The following ARHGAP10 variants were observed in gnomAD, a reference collection of about 807,000 sequenced individuals.
ARHGAP10 encodes rho GTPase-activating protein 10.
A neutral mutation model predicts 108.6 loss-of-function variants in ARHGAP10; 87 were observed. The observed-to-expected ratio is 0.80, with a 90% CI of 0.67 to 0.96. The LOEUF is 0.96. Among genes scored for constraint, ARHGAP10 ranks in the 40% least tolerant of loss-of-function variants. ARHGAP10 has a pLI of 0.00. For missense variants in ARHGAP10, 939 were observed against 954.5 expected (o/e 0.98, Z 0.21); for synonymous variants, 347 against 341.1 (o/e 1.02, Z -0.19).
intron 10 of ARHGAP10, among the ~76,000 whole-genome samples, chr4:147,901,271 A>G (rs897551259): frequency 4.6e-5 from 7 of 152,244 alleles, no homozygotes; most frequent in African/African-American, 1.4e-4. Context: ...CTTTAGAGGC[A>G]GGGAATCAGT....
In ARHGAP10 at chr4:147,866,831, G is replaced by A. The variant is rs1358360593; in HGVS notation, c.702+15G>A. The A allele has an allele frequency of 2.6e-6, 4 of 1,549,286 alleles. No individual in the cohort carries two copies. In the African/African-American group the frequency reaches 4.1e-5, roughly 16 times the overall value. ...ACATTCAGAATGTAAGGAAGTGAAA[G>A]CTTTCTTTATAAAAAGATGTTTGAA... is the stretch of plus-strand genomic sequence containing the variant. On this transcript the variant is annotated intron_variant, in intron 7 of 22. Transcript: ENST00000336498.
chr4:148,072,457 C>T lies in ARHGAP10; in HGVS notation c.*376C>T, dbSNP rs1276653064. Reference sequence around the variant, plus strand: ...CCTGGCTCCCTCTCCTCCCTGAGCACCTGCTGCTGCGATTTTAAAGGGAAC... The same window carrying T: ...CCTGGCTCCCTCTCCTCCCTGAGCATCTGCTGCTGCGATTTTAAAGGGAAC... On this transcript the variant is annotated 3_prime_UTR_variant, in exon 23 of 23. Coordinates refer to ENST00000336498, the MANE Select transcript of ARHGAP10 (RefSeq NM_024605.4). 4 of 219,450 alleles carry T rather than the reference C, an allele frequency of 1.8e-5. No individual in the cohort carries two copies. The highest frequency in any genetic ancestry group is 3.6e-5 in the Non-Finnish European group (4 of 112,472). 13.6% of individuals were successfully genotyped at this position (219,450 alleles called of 1,614,324 possible).
intron 15 of ARHGAP10, among the ~76,000 whole-genome samples, chr4:147,955,102 T>C (rs1007656871): frequency 2.6e-5 from 4 of 152,118 alleles, no homozygotes; most frequent in African/African-American, 9.6e-5. Context: ...TAGTAGGGAT[T>C]TGTGGCTCCC....
intron 1 of ARHGAP10, among the ~76,000 whole-genome samples, chr4:147,776,994 G>T (rs1212687928): frequency 6.6e-6 from 1 of 152,120 alleles, no homozygotes; most frequent in East Asian, 1.9e-4. Context: ...GAGATAAGTG[G>T]CTATATTCAT....
intron 1 of ARHGAP10, among the ~76,000 whole-genome samples, chr4:147,758,795 A>G (rs1031869816): frequency 1.3e-5 from 2 of 151,972 alleles, no homozygotes; most frequent in African/African-American, 4.8e-5. Context: ...CGTGGCCAGC[A>G]TGGTGAAACC....
In ARHGAP10 at chr4:147,809,933, C is replaced by G. The variant is rs74409420; in HGVS notation, c.155-12794C>G. Among the ~76,000 whole-genome samples, 1,072 of 152,242 alleles carry G rather than the reference C, an allele frequency of 7.0e-3. 10 individuals carry two copies. Among genetic ancestry groups the G allele is most frequent in the African/African-American group, 0.025 (1,022 of 41,532 alleles). ...AGGATAACGCTTTTCCAAAAGATAC[C>G]TAACTTTACTTTGTTTTTAATATAT... On this transcript the variant is annotated intron_variant, in intron 1 of 22. Coordinates refer to ENST00000336498, the MANE Select transcript of ARHGAP10 (RefSeq NM_024605.4).
At chr4:147,901,443 T>C (rs1736235286) in intron 10 of ARHGAP10, among the ~76,000 whole-genome samples, 2 of 152,230 alleles carry the variant, frequency 1.3e-5, no homozygotes, top group South Asian at 4.1e-4. Flanking sequence ...TGGAACTGTT[T>C]TGAGTTATCA....
intron 18 of ARHGAP10, among the ~76,000 whole-genome samples, chr4:147,985,388 G>C (rs2149630876): frequency 6.6e-6 from 1 of 152,234 alleles, no homozygotes; most frequent in South Asian, 2.1e-4. Context: ...ATAACCTCAG[G>C]AGAGGAGGCT....
intron 1 of ARHGAP10, among the ~76,000 whole-genome samples, chr4:147,782,984 TA>T (rs1224572551): frequency 7.2e-6 from 1 of 138,350 alleles, no homozygotes; most frequent in African/African-American, 2.6e-5. Flanking sequence ...ATATATTATA[TA>T]AATTATATAT....
intron 18 of ARHGAP10, among the ~76,000 whole-genome samples, chr4:148,010,189 A>G (rs1741116974): frequency 6.6e-6 from 1 of 152,146 alleles, no homozygotes; most frequent in African/African-American, 2.4e-5. Context: ...ATTAAATGGT[A>G]TACCTGTGTT....
chr4:147,780,442 G>A (rs1463226742), intron 1 of ARHGAP10, among the ~76,000 whole-genome samples: 2 of 152,160 alleles, frequency 1.3e-5, no homozygotes, highest in African/African-American at 2.4e-5. Flanking sequence ...AGGGAGCCCG[G>A]TCAGCAGGCT....
At chr4:147,774,049 A>T (rs763198220) in intron 1 of ARHGAP10, among the ~76,000 whole-genome samples, 2 of 152,172 alleles carry the variant, frequency 1.3e-5, no homozygotes, top group Non-Finnish European at 2.9e-5. Flanking sequence ...TCTCTGCCCC[A>T]GTTTCCTCAG....
chr4:148,048,194 T>C (rs541270516), intron 20 of ARHGAP10, among the ~76,000 whole-genome samples: 4 of 152,256 alleles, frequency 2.6e-5, no homozygotes, highest in African/African-American at 9.6e-5. Flanking sequence ...AATGGTGTCA[T>C]CTGACCCTAG....
chr4:148,019,469 G>A (rs1285824359), intron 18 of ARHGAP10, among the ~76,000 whole-genome samples: 3 of 152,056 alleles, frequency 2.0e-5, no homozygotes, highest in East Asian at 1.9e-4. Context: ...AGTCTGGCCC[G>A]GCATGGGCAT....
At chr4:147,849,511 A>G (rs13148956) in intron 4 of ARHGAP10, among the ~76,000 whole-genome samples, 105,473 of 152,110 alleles carry the variant, frequency 0.69, 43,150 homozygotes, top group Non-Finnish European at 0.89. Context: ...ACAGCATAAA[A>G]CAGTTTTCAC....
At chr4:147,738,348 G>A (rs1265660147) in intron 1 of ARHGAP10, among the ~76,000 whole-genome samples, 12 of 151,898 alleles carry the variant, frequency 7.9e-5, no homozygotes, top group Admixed American at 2.6e-4. Context: ...TCAGGAGATC[G>A]AGACCATCCT....
intron 18 of ARHGAP10, among the ~76,000 whole-genome samples, chr4:148,012,523 G>C (rs1293175117): frequency 6.6e-6 from 1 of 152,178 alleles, no homozygotes; most frequent in East Asian, 1.9e-4. Flanking sequence ...ACAGTGTGCT[G>C]TTTGAAATGT....
intron 18 of ARHGAP10, among the ~76,000 whole-genome samples, chr4:147,995,344 A>G (rs1172591656): frequency 1.3e-5 from 2 of 152,202 alleles, no homozygotes; most frequent in Non-Finnish European, 2.9e-5. Flanking sequence ...AAGTCTATGA[A>G]TAGACTTGGT....
At chr4:147,964,307 C>T (rs1419647904) in intron 16 of ARHGAP10, among the ~76,000 whole-genome samples, 1 of 152,232 alleles carries the variant, frequency 6.6e-6, no homozygotes, top group Non-Finnish European at 1.5e-5. Flanking sequence ...AGCCGGTCCT[C>T]AACCTGCGCA....
Sources: gnomAD v4.1 joint callset for allele counts (sites outside exome capture counted in the v4.1 genomes callset) on GRCh38, gnomAD v4.1.1 for gene constraint, MANE v1.5 for transcripts, NCBI Gene and HGNC (gene_info 2026-07-23, HGNC 2026-07-21) for gene names.